SORBS2: variants seen among roughly 807,000 people sequenced by gnomAD.
SORBS2 encodes sorbin and SH3 domain containing 2, also known as sorbin and SH3 domain-containing protein 2.
A neutral mutation model predicts 97.7 loss-of-function variants in SORBS2; 46 were observed. The ratio of observed to expected loss-of-function variants is 0.47; its 90% CI spans 0.37 to 0.60. The LOEUF (loss-of-function observed/expected upper bound fraction) is 0.60, where lower values mean the gene tolerates loss of function less well. Among genes scored for constraint, SORBS2 ranks in the 20% least tolerant of loss-of-function variants. SORBS2 has a pLI of 0.00. For missense variants in SORBS2, 1,316 were observed against 1,282.3 expected (o/e 1.03, Z -0.40); for synonymous variants, 476 against 473.4 (o/e 1.01, Z -0.07).
chr4:185,677,722 T>C, intron 4 of SORBS2: 1 of 1,142,256 alleles, frequency 8.8e-7, no homozygotes. Context: ...AAGAAACCAG[T>C]GTCAACCTTG....
At chr4:185,752,709 A>G (rs1229393328) in intron 2 of SORBS2, among the ~76,000 whole-genome samples, 3 of 152,232 alleles carry the variant, frequency 2.0e-5, no homozygotes, top group Non-Finnish European at 4.4e-5. Context: ...AATAATTCAG[A>G]TAGAATAAGT....
chr4:185,610,338 A>G (rs1299857147), intron 12 of SORBS2, among the ~76,000 whole-genome samples: 3 of 152,154 alleles, frequency 2.0e-5, no homozygotes, highest in East Asian at 3.8e-4. Context: ...TTTTCTCTTT[A>G]TCAATAGAAA....
intron 1 of SORBS2, among the ~76,000 whole-genome samples, chr4:185,782,667 G>C (rs1459525461): frequency 6.6e-6 from 1 of 152,170 alleles, no homozygotes; most frequent in East Asian, 1.9e-4. Flanking sequence ...CTTTCTTGTG[G>C]CCATATTATG....
At chr4:185,689,474 C>T (rs1167611367) in intron 2 of SORBS2, among the ~76,000 whole-genome samples, 3 of 152,188 alleles carry the variant, frequency 2.0e-5, no homozygotes, top group Non-Finnish European at 4.4e-5. Flanking sequence ...TTGTGTGGTG[C>T]ATATGCAGGG....
At chr4:185,860,896 C>G (rs2099223348) in intron 1 of SORBS2, among the ~76,000 whole-genome samples, 1 of 152,124 alleles carries the variant, frequency 6.6e-6, no homozygotes, top group African/African-American at 2.4e-5. Context: ...GCTTCAGAGA[C>G]AGTAGGTGGT....
At chr4:185,692,782 C>T (rs957793233) in intron 2 of SORBS2, among the ~76,000 whole-genome samples, 1 of 140,230 alleles carries the variant, frequency 7.1e-6, no homozygotes, top group African/African-American at 2.7e-5. Context: ...CCTCGTTTTG[C>T]TATATACACA....
chr4:185,674,225 G>T (rs1430175299), intron 4 of SORBS2, among the ~76,000 whole-genome samples: 8 of 152,158 alleles, frequency 5.3e-5, no homozygotes, highest in Non-Finnish European at 1.0e-4. Context: ...AACCTCTGAA[G>T]TTTCCACCAA....
chr4:185,824,262 C>A (rs1585252681), intron 1 of SORBS2, among the ~76,000 whole-genome samples: 1 of 152,304 alleles, frequency 6.6e-6, no homozygotes, highest in East Asian at 1.9e-4. Flanking sequence ...TGTTTCCTGA[C>A]CTGGCTTGTG....
intron 2 of SORBS2, among the ~76,000 whole-genome samples, chr4:185,750,661 A>C (rs2098793195): frequency 6.6e-6 from 1 of 152,224 alleles, no homozygotes; most frequent in Non-Finnish European, 1.5e-5. Flanking sequence ...ATTAATTCTA[A>C]AATAACAAAC....
intron 2 of SORBS2, among the ~76,000 whole-genome samples, chr4:185,750,992 A>C (rs1423242139): frequency 6.6e-6 from 1 of 151,946 alleles, no homozygotes; most frequent in Non-Finnish European, 1.5e-5. Context: ...GATCCAAAAA[A>C]AATTTACAAT....
At position 185,623,082 on chromosome 4, in the gene SORBS2, T is replaced by A; in HGVS notation, c.2047A>T (p.Arg683Trp). 1 of 1,614,088 alleles carries A rather than the reference T, an allele frequency of 6.2e-7. No homozygotes were observed. Among genetic ancestry groups the A allele is most frequent in the Non-Finnish European group, 8.5e-7 (1 of 1,180,016 alleles). Reference sequence around the variant, plus strand: ...AGAGGCTGGTGCAGGGGGCTCCTCCTCAGCGCTCTCAGGGATGAGTTCCTC... The same window carrying A: ...AGAGGCTGGTGCAGGGGGCTCCTCCACAGCGCTCTCAGGGATGAGTTCCTC... Residue 683 changes from arginine to tryptophan, a missense_variant, in exon 7 of 15, where the codon AGG (arginine) becomes TGG (tryptophan). By Grantham distance (101) the Arg-to-Trp change is moderately radical. Transcript: ENST00000418609. The surrounding 1 kb of genome is among the most constrained non-coding windows in gnomAD (Gnocchi z 6.4).
intron 1 of SORBS2, among the ~76,000 whole-genome samples, chr4:185,897,063 C>G (rs1005555367): frequency 2.6e-5 from 4 of 152,122 alleles, no homozygotes; most frequent in African/African-American, 9.7e-5. Context: ...TCTCTGCTCA[C>G]TTCTGCCTTC....
intron 1 of SORBS2, among the ~76,000 whole-genome samples, chr4:185,806,911 G>GA (rs917629428): frequency 6.6e-6 from 1 of 151,980 alleles, no homozygotes; most frequent in Non-Finnish European, 1.5e-5. Flanking sequence ...AACTATTCCA[G>GA]AAAAAATGTA....
At chr4:185,944,168 A>G (rs1427429973) in intron 1 of SORBS2, among the ~76,000 whole-genome samples, 1 of 152,198 alleles carries the variant, frequency 6.6e-6, no homozygotes, top group Non-Finnish European at 1.5e-5. Flanking sequence ...TCATACGGAA[A>G]GCCAAACGCT....
At chr4:185,931,988 C>T (rs1235417339) in intron 1 of SORBS2, among the ~76,000 whole-genome samples, 5 of 151,598 alleles carry the variant, frequency 3.3e-5, no homozygotes, top group African/African-American at 1.2e-4. Context: ...GTCTCTCTCT[C>T]TCTCTCTCTC....
intron 2 of SORBS2, among the ~76,000 whole-genome samples, chr4:185,753,026 C>G (rs1486682529): frequency 1.3e-5 from 2 of 152,196 alleles, no homozygotes; most frequent in African/African-American, 4.8e-5. Flanking sequence ...GAAAGACATT[C>G]CACAAGGAGG....
intron 2 of SORBS2, among the ~76,000 whole-genome samples, chr4:185,706,436 T>C (rs538918185): frequency 6.6e-6 from 1 of 152,344 alleles, no homozygotes; most frequent in South Asian, 2.1e-4. Flanking sequence ...CAATGGAGAA[T>C]GATTATTGTT....
At chr4:185,636,666 T>TTTGG (rs2097009914) in intron 4 of SORBS2, among the ~76,000 whole-genome samples, 1 of 150,882 alleles carries the variant, frequency 6.6e-6, no homozygotes, top group African/African-American at 2.4e-5. Flanking sequence ...TTTTTTTTTT[T>TTTGG]GAGATGGAGT....
intron 1 of SORBS2, among the ~76,000 whole-genome samples, chr4:185,803,189 G>A (rs906313586): frequency 6.6e-6 from 1 of 152,096 alleles, no homozygotes. Context: ...GCTAAAGGCA[G>A]AATGCAATAC....
Sources: gnomAD v4.1 joint callset for allele counts (sites outside exome capture counted in the v4.1 genomes callset) on GRCh38, gnomAD v4.1.1 for gene constraint, Gnocchi (gnomAD v3.1) non-coding constraint, MANE v1.5 for transcripts, NCBI Gene and HGNC (gene_info 2026-07-23, HGNC 2026-07-21) for gene names.